The following GRID2 variants were observed in gnomAD, a reference collection of about 807,000 sequenced individuals.
GRID2 encodes glutamate receptor ionotropic, delta-2.
In GRID2, 33 loss-of-function variants were observed where a neutral mutation model predicts 114.8. The ratio of observed to expected loss-of-function variants is 0.29; its 90% CI spans 0.22 to 0.38. The LOEUF (loss-of-function observed/expected upper bound fraction) is 0.38, where lower values mean the gene tolerates loss of function less well. Among genes scored for constraint, GRID2 ranks in the 10% least tolerant of loss-of-function variants. GRID2 has a pLI of 1.00. For missense variants in GRID2, 1,184 were observed against 1,257.7 expected (o/e 0.94, Z 0.89); for synonymous variants, 505 against 449.9 (o/e 1.12, Z -1.55).
At chr4:92,809,925 C>T (rs1740590520) in intron 2 of GRID2, among the ~76,000 whole-genome samples, 1 of 152,002 alleles carries the variant, frequency 6.6e-6, no homozygotes, top group Non-Finnish European at 1.5e-5. Flanking sequence ...TCTGACCTGA[C>T]ACCTTGTAGA....
chr4:92,524,407 CTTTTT>C (rs869060153), intron 1 of GRID2, among the ~76,000 whole-genome samples: 11 of 106,552 alleles, frequency 1.0e-4, no homozygotes, highest in South Asian at 5.8e-4. Flanking sequence ...ATTTCCTTGT[CTTTTT>C]TTTTTTTTTT....
At chr4:92,548,401 A>ATTTTTTTTTTTTTGTTTTTTTTTTTTT (rs1726386794) in intron 1 of GRID2, among the ~76,000 whole-genome samples, 1 of 60,808 alleles carries the variant, frequency 1.6e-5, no homozygotes, top group Non-Finnish European at 2.7e-5. Flanking sequence ...AGACTGTGTA[A>ATTTTTTTTTTTTTGTTTTTTTTTTTTT]TTTTTTTTTT....
At chr4:93,667,689 A>G (rs1724068368) in intron 14 of GRID2, among the ~76,000 whole-genome samples, 1 of 152,040 alleles carries the variant, frequency 6.6e-6, no homozygotes, top group South Asian at 2.1e-4. Context: ...AGTTTAGGTG[A>G]ACATACTGAT....
chr4:92,641,304 A>G (rs1481643244), intron 2 of GRID2, among the ~76,000 whole-genome samples: 1 of 151,496 alleles, frequency 6.6e-6, no homozygotes, highest in Non-Finnish European at 1.5e-5. Context: ...ATTAAATTTA[A>G]TTTTTTTAGG....
intron 2 of GRID2, among the ~76,000 whole-genome samples, chr4:92,966,947 C>T (rs1265008171): frequency 6.6e-6 from 1 of 151,794 alleles, no homozygotes; most frequent in East Asian, 1.9e-4. Flanking sequence ...GATATAGGCA[C>T]CGTTGTCATG....
intron 2 of GRID2, among the ~76,000 whole-genome samples, chr4:92,911,358 G>A (rs983935081): frequency 6.6e-6 from 1 of 151,984 alleles, no homozygotes; most frequent in Non-Finnish European, 1.5e-5. Context: ...GAAGAATTTA[G>A]AGGGGCATTT....
chr4:93,006,721 A>C (rs973186645), intron 2 of GRID2, among the ~76,000 whole-genome samples: 7 of 151,840 alleles, frequency 4.6e-5, no homozygotes, highest in Admixed American at 2.0e-4. Context: ...AAATCTATAA[A>C]GGCAATAAAA....
At chr4:93,045,082 T>A (rs1051339746) in intron 2 of GRID2, among the ~76,000 whole-genome samples, 9 of 152,150 alleles carry the variant, frequency 5.9e-5, no homozygotes, top group African/African-American at 2.2e-4. Context: ...AACAGTGATA[T>A]TTCTGGGATG....
At chr4:92,980,590 C>A (rs565517516) in intron 2 of GRID2, among the ~76,000 whole-genome samples, 4 of 151,970 alleles carry the variant, frequency 2.6e-5, no homozygotes, top group Non-Finnish European at 5.9e-5. Context: ...TTATCAATTA[C>A]CCTCTGTAGT....
At chr4:92,498,765 A>G (rs1331334659) in intron 1 of GRID2, among the ~76,000 whole-genome samples, 2 of 151,894 alleles carry the variant, frequency 1.3e-5, no homozygotes, top group Non-Finnish European at 2.9e-5. Context: ...CTATAAATGC[A>G]CAAACACATA....
At chr4:92,968,623 C>A (rs1753305466) in intron 2 of GRID2, among the ~76,000 whole-genome samples, 2 of 151,886 alleles carry the variant, frequency 1.3e-5, no homozygotes, top group Non-Finnish European at 1.5e-5. Flanking sequence ...AAAAATACAT[C>A]ATTCAATGGC....
At chr4:92,943,366 C>T (rs569227064) in intron 2 of GRID2, among the ~76,000 whole-genome samples, 5 of 152,228 alleles carry the variant, frequency 3.3e-5, no homozygotes, top group Non-Finnish European at 7.4e-5. Context: ...TCCAGTTGAT[C>T]GCGTCGGCTA....
intron 2 of GRID2, among the ~76,000 whole-genome samples, chr4:92,771,202 G>A (rs1277153702): frequency 6.6e-6 from 1 of 152,084 alleles, no homozygotes; most frequent in Non-Finnish European, 1.5e-5. Context: ...CCCATTTTGA[G>A]AAACCTTCTC....
intron 13 of GRID2, among the ~76,000 whole-genome samples, chr4:93,564,259 A>G (rs1386437675): frequency 1.3e-5 from 2 of 152,000 alleles, no homozygotes; most frequent in Non-Finnish European, 2.9e-5. Context: ...TCAAGGGACA[A>G]AGGGAGTTTT....
chr4:93,339,311 A>C (rs994612110), intron 8 of GRID2, among the ~76,000 whole-genome samples: 1 of 152,204 alleles, frequency 6.6e-6, no homozygotes, highest in Admixed American at 6.5e-5. Context: ...AAATGAGGTC[A>C]CACTGGAAAG....
chr4:93,226,316 TG>T (rs1745478020), intron 7 of GRID2, among the ~76,000 whole-genome samples: 1 of 152,186 alleles, frequency 6.6e-6, no homozygotes, highest in Non-Finnish European at 1.5e-5. Flanking sequence ...TGTGAAACTA[TG>T]AATTCAAAAC....
intron 1 of GRID2, among the ~76,000 whole-genome samples, chr4:92,356,470 A>T (rs1055477539): frequency 6.6e-6 from 1 of 151,526 alleles, no homozygotes; most frequent in Non-Finnish European, 1.5e-5. Flanking sequence ...ATACATGCCC[A>T]CTGATTTATG....
chr4:93,395,649 A>G lies in GRID2; in HGVS notation c.1288A>G (p.Thr430Ala), dbSNP rs1765256556. The G allele has an allele frequency of 1.3e-6, 2 of 1,588,046 alleles. No homozygotes were observed. Among genetic ancestry groups the G allele is most frequent in the Non-Finnish European group, 8.6e-7 (1 of 1,156,978 alleles). Residue 430 changes from threonine to alanine, a missense_variant, in exon 9 of 16, where the codon ACT becomes GCT. Thr to Ala is a moderately conservative substitution (Grantham distance 58, BLOSUM62 0). This residue lies in a region of GRID2 where 717 missense variants were observed against 796.9 expected (regional missense o/e 0.90). Transcript: ENST00000282020. ...TGTCACAGGTCTGAATGGGTCACTG[A>G]CTGACAAGAAATTGGAGAATAACAT... ...NPVTGLNGSL[T>A]DKKLENNMRG...
chr4:92,808,324 T>A (rs553739607), intron 2 of GRID2, among the ~76,000 whole-genome samples: 1 of 152,150 alleles, frequency 6.6e-6, no homozygotes, highest in South Asian at 2.1e-4. Flanking sequence ...TTCTGGTAAT[T>A]TGTTACAGAA....
Sources: allele counts gnomAD v4.1 joint callset (sites outside exome capture counted in the v4.1 genomes callset), GRCh38; gene constraint gnomAD v4.1.1; regional missense constraint gnomAD v4.1.1; transcripts MANE v1.5; gene names NCBI Gene and HGNC (gene_info 2026-07-23, HGNC 2026-07-21).